The following MBP variants were observed in gnomAD, a reference collection of about 807,000 sequenced individuals.
MBP encodes myelin basic protein.
Under a neutral mutation model 35.8 loss-of-function variants are expected in MBP, and 16 were observed. That is an observed-to-expected ratio of 0.45 (90% CI 0.30 to 0.68). The LOEUF (loss-of-function observed/expected upper bound fraction) is 0.68, where lower values mean the gene tolerates loss of function less well. Ranked by LOEUF, MBP falls within the 30% of genes least tolerant of loss-of-function variation. The pLI is 0.08. For synonymous variants in MBP, 143 were observed against 159.6 expected (o/e 0.90, Z 0.78); for missense variants, 380 against 404.7 (o/e 0.94, Z 0.52).
intron 2 of MBP, among the ~76,000 whole-genome samples, chr18:77,085,805 C>T (rs1975207367): frequency 6.6e-6 from 1 of 151,760 alleles, no homozygotes; most frequent in Non-Finnish European, 1.5e-5. Flanking sequence ...CTGCCTCAGC[C>T]TCCTGAGTAG....
At chr18:77,105,102 G>T in intron 2 of MBP, 109 bp downstream of exon 2, 2 of 805,146 alleles carry the variant, frequency 2.5e-6, no homozygotes, top group South Asian at 1.7e-5. Context: ...CAGCTGTCAG[G>T]GAAGAGTGTA....
intron 4 of MBP, chr18:77,009,889 G>A: frequency 6.3e-7 from 1 of 1,596,004 alleles, no homozygotes; most frequent in Non-Finnish European, 8.5e-7. Flanking sequence ...GCGGGCATGA[G>A]AGGGCAGAGG....
At chr18:77,066,179 A>G (rs1974190951) in intron 3 of MBP, 119 bp downstream of exon 3, 1 of 710,822 alleles carries the variant, frequency 1.4e-6, no homozygotes, top group South Asian at 1.7e-5. Context: ...TTTAGTAATG[A>G]GTACAGACAG....
chr18:77,102,943 G>C lies in MBP; in HGVS notation c.51+2268C>G, dbSNP rs1329536140. 1.3e-5 allele frequency among the ~76,000 whole-genome samples: 2 copies of C among 152,132 alleles called. No homozygotes were observed. Among genetic ancestry groups the C allele is most frequent in the African/African-American group, 4.8e-5 (2 of 41,422 alleles). ...GGTTGTTATTGCTAATTATAATGCTGACATTATCAGTAATACAGTTTAAGT... is the reference window on the plus strand; with the variant it reads ...GGTTGTTATTGCTAATTATAATGCTCACATTATCAGTAATACAGTTTAAGT... On this transcript the variant is annotated intron_variant, in intron 2 of 8. Coordinates refer to ENST00000355994, the MANE Select transcript of MBP (RefSeq NM_001025101.2). This position sits in a 1 kb window ranked among gnomAD's most constrained non-coding sequence, Gnocchi z 4.4.
At chr18:77,008,313 C>T (rs1280290592) in intron 4 of MBP, among the ~76,000 whole-genome samples, 2 of 152,146 alleles carry the variant, frequency 1.3e-5, no homozygotes, top group Non-Finnish European at 2.9e-5. Flanking sequence ...CTCAGTGAAG[C>T]CCAGGTGGCC....
chr18:77,000,460 T>C (rs1031000002), intron 4 of MBP, among the ~76,000 whole-genome samples: 7 of 152,200 alleles, frequency 4.6e-5, no homozygotes, highest in African/African-American at 1.7e-4. Flanking sequence ...ATGACAAACG[T>C]TTGCTTGGTA....
chr18:77,038,366 A>C (rs140170680), intron 3 of MBP, among the ~76,000 whole-genome samples: 189 of 152,356 alleles, frequency 1.2e-3, no homozygotes, highest in African/African-American at 4.3e-3. Context: ...TTTCTGATGC[A>C]CTTTCATATT....
chr18:77,022,245 C>A (rs1445248922), intron 3 of MBP, among the ~76,000 whole-genome samples: 4 of 152,184 alleles, frequency 2.6e-5, no homozygotes, highest in African/African-American at 9.6e-5. Flanking sequence ...GCAGTTGGAA[C>A]CCAGGGTCGC....
At chr18:77,122,624 C>A (rs1383798103) in intron 1 of MBP, among the ~76,000 whole-genome samples, 1 of 152,220 alleles carries the variant, frequency 6.6e-6, no homozygotes, top group African/African-American at 2.4e-5. Context: ...CTCACTGCAA[C>A]CTCCGCCTCC....
chr18:77,059,115 A>T (rs1973862240), intron 3 of MBP, among the ~76,000 whole-genome samples: 1 of 152,218 alleles, frequency 6.6e-6, no homozygotes, highest in Non-Finnish European at 1.5e-5. Context: ...TATTAAAACA[A>T]TTAAAAGAAA....
intron 2 of MBP, among the ~76,000 whole-genome samples, chr18:77,082,380 A>G (rs1974986382): frequency 6.6e-6 from 1 of 152,234 alleles, no homozygotes; most frequent in Admixed American, 6.5e-5. Flanking sequence ...TTCCATAAGT[A>G]TGAAAAGTCC....
At chr18:77,015,994 A>G (rs564156465) in intron 4 of MBP, 2 of 985,406 alleles carry the variant, frequency 2.0e-6, no homozygotes, top group Non-Finnish European at 2.4e-6. Context: ...TTCTCTCCAA[A>G]ATTACACAAC....
intron 2 of MBP, among the ~76,000 whole-genome samples, chr18:77,100,531 GTGTGTGTGTGT>G (rs1975961163): frequency 6.7e-6 from 1 of 149,184 alleles, no homozygotes; most frequent in East Asian, 2.0e-4. Flanking sequence ...GTGTGTGTGT[GTGTGTGTGTGT>G]GTGTTTTGTG....
chr18:76,994,704 G>A (rs1278300995), intron 4 of MBP, among the ~76,000 whole-genome samples: 2 of 152,112 alleles, frequency 1.3e-5, no homozygotes, highest in Non-Finnish European at 2.9e-5. Flanking sequence ...TATTATCGGG[G>A]GTCAGAAATG....
intron 4 of MBP, chr18:77,014,909 A>C: frequency 1.0e-6 from 1 of 982,668 alleles, no homozygotes; most frequent in Non-Finnish European, 1.2e-6. Context: ...AAATTCCTAA[A>C]GCAATCATGT....
chr18:77,004,384 G>A (rs1244625430), intron 4 of MBP: 3 of 152,036 alleles, frequency 2.0e-5, no homozygotes, highest in African/African-American at 7.3e-5. Context: ...AGCAAGATCA[G>A]GGCATTTTAG....
At chr18:77,030,200 G>A (rs1428264848) in intron 3 of MBP, among the ~76,000 whole-genome samples, 3 of 152,138 alleles carry the variant, frequency 2.0e-5, no homozygotes, top group Non-Finnish European at 4.4e-5. Flanking sequence ...GGCTGGGAAT[G>A]GCTCCTGGAA....
intron 8 of MBP, chr18:76,981,439 C>T (rs470279): frequency 0.15 from 23,573 of 152,186 alleles, 2,090 homozygotes; most frequent in East Asian, 0.37. Flanking sequence ...ATAACCAGAG[C>T]GCAGACGCCA....
intron 8 of MBP, 165 bp from the exon 9 acceptor site, chr18:76,980,636 C>G: frequency 1.6e-6 from 1 of 610,318 alleles, no homozygotes; most frequent in South Asian, 1.9e-5. Context: ...CCATTTCTCC[C>G]GACCTCCCTC....
Sources: allele counts gnomAD v4.1 joint callset (sites outside exome capture counted in the v4.1 genomes callset), GRCh38; gene constraint gnomAD v4.1.1; non-coding constraint Gnocchi (gnomAD v3.1); transcripts MANE v1.5; gene names NCBI Gene and HGNC (gene_info 2026-07-23, HGNC 2026-07-21).